NCAPD3: variants seen among roughly 807,000 people sequenced by gnomAD.
The protein encoded by NCAPD3 is condensin-2 complex subunit D3.
A neutral mutation model predicts 182.9 loss-of-function variants in NCAPD3; 105 were observed. That is an observed-to-expected ratio of 0.57 (90% CI 0.49 to 0.68). The LOEUF is 0.68. Ranked by LOEUF, NCAPD3 falls within the 30% of genes least tolerant of loss-of-function variation. The probability of loss-of-function intolerance (pLI) is 0.00; values close to 1 mark genes in which losing one functional copy is unlikely to be tolerated. For synonymous variants in NCAPD3, 815 were observed against 679.9 expected (o/e 1.20, Z -3.09); for missense variants, 1,944 against 1,837.0 (o/e 1.06, Z -1.07).
chr11:134,170,308 G>T (rs999765996), intron 24 of NCAPD3, among the ~76,000 whole-genome samples: 5 of 152,170 alleles, frequency 3.3e-5, no homozygotes, highest in Admixed American at 3.3e-4. Context: ...GCACCTGTCT[G>T]ATCTAAGAGT....
At chr11:134,159,818 C>T in intron 29 of NCAPD3, 74 bp downstream of exon 29, 1 of 1,466,468 alleles carries the variant, frequency 6.8e-7, no homozygotes. Flanking sequence ...TTGAGAGGTG[C>T]CAGACAAACG....
chr11:134,183,476 G>A (rs1169347112), intron 19 of NCAPD3, among the ~76,000 whole-genome samples: 3 of 152,180 alleles, frequency 2.0e-5, no homozygotes, highest in Non-Finnish European at 2.9e-5. Context: ...GCTGAGGCAC[G>A]AGAATTGCTT....
At chr11:134,203,303 G>T in intron 11 of NCAPD3, 105 bp from the exon 12 acceptor site, 1 of 865,960 alleles carries the variant, frequency 1.2e-6, no homozygotes, top group Non-Finnish European at 1.9e-6. Flanking sequence ...AGACAAGGCA[G>T]ACAGATTCTA....
chr11:134,203,220 AGAAG>A (rs773030432), intron 11 of NCAPD3, 22 bp from the exon 12 acceptor site: 1 of 1,522,692 alleles, frequency 6.6e-7, no homozygotes, highest in African/African-American at 1.4e-5. Flanking sequence ...AAGAAAGATA[AGAAG>A]GAAGAAGTCA....
chr11:134,167,814 G>C (rs1400741562), intron 27 of NCAPD3, among the ~76,000 whole-genome samples, 182 bp downstream of exon 27: 1 of 146,140 alleles, frequency 6.8e-6, no homozygotes, highest in African/African-American at 2.6e-5. Flanking sequence ...ATGAGCTTAG[G>C]GGAGCAGCAC....
At position 134,151,897 on chromosome 11, in the gene NCAPD3, G is replaced by A. The variant is rs1431605180; in HGVS notation, c.*1047C>T. On this transcript the variant is annotated 3_prime_UTR_variant, in exon 35 of 35. Coordinates refer to ENST00000534548, the MANE Select transcript of NCAPD3 (RefSeq NM_015261.3). ...AGTGCTGGGCAGGAGGTCAGCCTGT[G>A]TGCTCAAGAGCAGTGCTGCGCCTCT... is the stretch of plus-strand genomic sequence containing the variant. 1 of 152,234 alleles carries A rather than the reference G, an allele frequency of 6.6e-6. No homozygotes were observed. Among genetic ancestry groups the A allele is most frequent in the Non-Finnish European group, 1.5e-5 (1 of 68,050 alleles). 9.4% of individuals were successfully genotyped at this position (152,234 alleles called of 1,614,324 possible).
At chr11:134,205,123 A>T in intron 8 of NCAPD3, 152 bp from the exon 9 acceptor site, 1 of 561,942 alleles carries the variant, frequency 1.8e-6, no homozygotes, top group Non-Finnish European at 3.1e-6. Flanking sequence ...GAAGACATAA[A>T]ATGTCATCGT....
In NCAPD3 at chr11:134,150,977, G is replaced by T. The variant is rs1045569848; in HGVS notation, c.*1967C>A. Reference sequence around the variant, plus strand: ...CGCCGGAGACACTGCTCCCATTTGTGGGGGGACATTAGCAACATCACTCAG... The same window carrying T: ...CGCCGGAGACACTGCTCCCATTTGTTGGGGGACATTAGCAACATCACTCAG... On this transcript the variant is annotated 3_prime_UTR_variant, in exon 35 of 35. Coordinates refer to ENST00000534548, the MANE Select transcript of NCAPD3 (RefSeq NM_015261.3). The T allele has an allele frequency of 6.6e-6, 1 of 152,194 alleles. No homozygotes were observed. Among genetic ancestry groups the T allele is most frequent in the Non-Finnish European group, 1.5e-5 (1 of 68,042 alleles). 9.4% of individuals were successfully genotyped at this position (152,194 alleles called of 1,614,324 possible). A position where few individuals can be genotyped will look rare whatever the true frequency, so the allele number is the denominator to read the frequency against.
chr11:134,176,336 A>G lies in NCAPD3; in HGVS notation c.3072T>C (p.Thr1024=). The part of the protein sequence containing the change: ...KGSLFFRFVS[T]LIDSHPDIAS... ...CAATGTCTGGGTGTGAATCGATCAG[A>G]GTGCTGACAAATCGGAAGAACAGGG... Residue 1024 remains threonine, a synonymous_variant, in exon 24 of 35, where the codon ACT becomes ACC. Coordinates refer to ENST00000534548, the MANE Select transcript of NCAPD3 (RefSeq NM_015261.3). The G allele has an allele frequency of 6.2e-7, 1 of 1,614,142 alleles. No individual in the cohort carries two copies. The highest frequency in any genetic ancestry group is 1.6e-4 in the Middle Eastern group (1 of 6,062).
Position 134,158,704 on chromosome 11 carries a change from C to T in NCAPD3, c.3868-209G>A, listed in dbSNP as rs536386824. On this transcript the variant is annotated intron_variant, in intron 29 of 34. Coordinates refer to ENST00000534548, the MANE Select transcript of NCAPD3 (RefSeq NM_015261.3). ...GGGAACATTCCAATTCTTCTATGTACTTTGAAATATACAGTAAATTGTTAA... is the reference window on the plus strand; with the variant it reads ...GGGAACATTCCAATTCTTCTATGTATTTTGAAATATACAGTAAATTGTTAA... 2.6e-5 allele frequency among the ~76,000 whole-genome samples: 4 copies of T among 152,256 alleles called. No individual in the cohort carries two copies. In the East Asian group the frequency reaches 7.7e-4, roughly 29 times the overall value.
At chr11:134,171,635 C>G (rs2135965171) in intron 24 of NCAPD3, among the ~76,000 whole-genome samples, 1 of 152,284 alleles carries the variant, frequency 6.6e-6, no homozygotes, top group African/African-American at 2.4e-5. Context: ...CTAGTTCTCC[C>G]TGGCCACCAC....
chr11:134,209,969 T>C (rs1027120419), intron 4 of NCAPD3, among the ~76,000 whole-genome samples: 13 of 152,018 alleles, frequency 8.6e-5, no homozygotes, highest in African/African-American at 3.1e-4. Context: ...AGCAGGAGAA[T>C]CACTTGAACC....
At chr11:134,205,634 C>T (rs1937597903) in intron 8 of NCAPD3, among the ~76,000 whole-genome samples, 1 of 152,110 alleles carries the variant, frequency 6.6e-6, no homozygotes. Context: ...GCCTCGGCCT[C>T]CCAAAGTGCT....
At chr11:134,192,934 G>A in intron 15 of NCAPD3, 25 bp from the exon 16 acceptor site, 1 of 1,360,352 alleles carries the variant, frequency 7.4e-7, no homozygotes, top group Non-Finnish European at 1.1e-6. Flanking sequence ...ATTATGACAT[G>A]AGAAGGTCTA....
chr11:134,203,124 A>T lies in NCAPD3; in HGVS notation c.1525+18T>A, dbSNP rs2305379. The stretch of plus-strand genomic sequence containing the variant: ...AAAAGATAATCATTCAATATTTGAA[A>T]ATGTATTGATCCATTACCTGATGAA... On this transcript the variant is annotated intron_variant, in intron 12 of 34. Transcript: ENST00000534548. 410,376 of 1,527,076 alleles carry T rather than the reference A, an allele frequency of 0.27. 57,006 individuals are homozygous for T. The highest frequency in any genetic ancestry group is 0.39 in the African/African-American group (28,398 of 72,568). The allele number at this position is 1,527,076 out of a possible 1,614,324, so 94.6% of individuals were successfully genotyped here.
intron 27 of NCAPD3, among the ~76,000 whole-genome samples, chr11:134,165,543 G>A (rs938100410): frequency 7.4e-5 from 11 of 149,030 alleles, no homozygotes; most frequent in Non-Finnish European, 1.6e-4. Flanking sequence ...TGAGCTTAGG[G>A]GAGCAGCACA....
intron 13 of NCAPD3, among the ~76,000 whole-genome samples, chr11:134,201,643 A>G (rs1944751384): frequency 6.6e-6 from 1 of 152,234 alleles, no homozygotes; most frequent in African/African-American, 2.4e-5. Flanking sequence ...AATGCACTGG[A>G]AACATGGGCT....
intron 32 of NCAPD3, among the ~76,000 whole-genome samples, chr11:134,154,382 C>T (rs1186125724): frequency 6.6e-6 from 1 of 152,080 alleles, no homozygotes; most frequent in East Asian, 1.9e-4. Context: ...TTTACAGACT[C>T]ACCTGTTAGG....
chr11:134,165,092 G>A (rs781672701), intron 27 of NCAPD3, among the ~76,000 whole-genome samples: 33 of 150,896 alleles, frequency 2.2e-4, no homozygotes, highest in Admixed American at 1.6e-3. Flanking sequence ...CTTGTGAAAT[G>A]AGCTTGCGGG....
Sources: allele counts gnomAD v4.1 joint callset (sites outside exome capture counted in the v4.1 genomes callset), GRCh38; gene constraint gnomAD v4.1.1; transcripts MANE v1.5; gene names NCBI Gene and HGNC (gene_info 2026-07-23, HGNC 2026-07-21).